Variants in ZBTB20 observed in about 807,000 individuals in gnomAD.
ZBTB20 encodes zinc finger and BTB domain containing 20, also known as zinc finger and BTB domain-containing protein 20.
A neutral mutation model predicts 56.9 loss-of-function variants in ZBTB20; 9 were observed. That is an observed-to-expected ratio of 0.16 (90% CI 0.10 to 0.28). The LOEUF is 0.28. Among genes scored for constraint, ZBTB20 ranks in the 10% least tolerant of loss-of-function variants. The pLI is 1.00. For synonymous variants in ZBTB20, 417 were observed against 420.7 expected, an observed-to-expected ratio of 0.99 and a Z score of 0.11; for missense variants, 655 against 1,003.0, an observed-to-expected ratio of 0.65 and a Z score of 4.69.
chr3:114,525,833 T>C (rs576270084), intron 6 of ZBTB20, among the ~76,000 whole-genome samples: 1 of 152,310 alleles, frequency 6.6e-6, no homozygotes, highest in East Asian at 1.9e-4. Flanking sequence ...ACCCTGCTGT[T>C]AGCTAAATCT....
At chr3:114,996,223 T>C (rs1434558418) in intron 2 of ZBTB20, among the ~76,000 whole-genome samples, 1 of 151,884 alleles carries the variant, frequency 6.6e-6, no homozygotes, top group Non-Finnish European at 1.5e-5. Flanking sequence ...TTTTTATTAT[T>C]ATGCTTTAAG....
chr3:115,000,306 T>A (rs1411033945), intron 2 of ZBTB20, among the ~76,000 whole-genome samples: 2 of 151,708 alleles, frequency 1.3e-5, no homozygotes, highest in African/African-American at 2.4e-5. Context: ...TATTGACTAA[T>A]TCATTTTTAA....
intron 6 of ZBTB20, among the ~76,000 whole-genome samples, chr3:114,674,003 T>C (rs1348331654): frequency 3.3e-5 from 5 of 152,114 alleles, no homozygotes; most frequent in East Asian, 1.9e-4. Context: ...GAAACCAAAA[T>C]ATATAGAAGA....
intron 4 of ZBTB20, among the ~76,000 whole-genome samples, chr3:114,856,985 T>C (rs2075283058): frequency 6.6e-6 from 1 of 152,176 alleles, no homozygotes; most frequent in African/African-American, 2.4e-5. Context: ...TTCTTACATA[T>C]TAAAAAAAAG....
intron 2 of ZBTB20, among the ~76,000 whole-genome samples, chr3:114,993,462 T>C (rs937763900): frequency 3.3e-5 from 5 of 151,978 alleles, no homozygotes; most frequent in African/African-American, 1.2e-4. Context: ...TTTTGAAAAT[T>C]GCACATTCTT....
chr3:115,050,998 AG>A (rs2081526856), intron 2 of ZBTB20, among the ~76,000 whole-genome samples: 1 of 152,124 alleles, frequency 6.6e-6, no homozygotes, highest in African/African-American at 2.4e-5. Context: ...TTCAGGTATA[AG>A]CTTCAATTCC....
At position 114,474,868 on chromosome 3, in the gene ZBTB20, T is replaced by C. The variant is rs116808845; in HGVS notation, c.-255+25484A>G. Among the ~76,000 whole-genome samples, 740 of 152,304 alleles carry C rather than the reference T, an allele frequency of 4.9e-3. 9 individuals carry two copies. Among genetic ancestry groups the C allele is most frequent in the African/African-American group, 0.017 (702 of 41,558 alleles). The stretch of plus-strand genomic sequence containing the variant: ...CCTTCATTGCCTTTCACCTGGACTA[T>C]TGTAATAGTCTCCTGCCTGATCTTG... On this transcript the variant is annotated intron_variant, in intron 7 of 11. Transcript: ENST00000675478.
Position 114,840,252 on chromosome 3 carries a change from CAATT to C in ZBTB20, c.-416-39082_-416-39079del, listed in dbSNP as rs999911589. Among the ~76,000 whole-genome samples, 7 of 152,322 alleles carry C rather than the reference CAATT, an allele frequency of 4.6e-5. No individual in the cohort carries two copies. The South Asian group carries it at 8.3e-4, about 18-fold the overall frequency. On this transcript the variant is annotated intron_variant, in intron 4 of 11. Transcript: ENST00000675478. The stretch of plus-strand genomic sequence containing the variant: ...TGTTATTTCTGCTCAATTCAGTACT[CAATT>C]AACCTGTTAATGATAAATTCACGCA...
chr3:114,422,931 G>T (rs2089318915), intron 7 of ZBTB20, among the ~76,000 whole-genome samples: 1 of 152,116 alleles, frequency 6.6e-6, no homozygotes, highest in Admixed American at 6.5e-5. Context: ...TGGCAAAGTA[G>T]TCAAAGTCTA....
At chr3:114,847,031 A>G (rs1490090749) in intron 4 of ZBTB20, among the ~76,000 whole-genome samples, 16 of 152,216 alleles carry the variant, frequency 1.1e-4, no homozygotes, top group Admixed American at 1.0e-3. Flanking sequence ...TGATTACTCC[A>G]CAGTTAAAGT....
rs1276342258 is a variant in ZBTB20 at position 114,328,723 on chromosome 3, T to G, written c.*10282A>C. ...TATGAACTCACTCACTTTAGTGTTCTTTCATTAAATAAAACTTAAAGAAGG... is the reference window on the plus strand; with the variant it reads ...TATGAACTCACTCACTTTAGTGTTCGTTCATTAAATAAAACTTAAAGAAGG... On this transcript the variant is annotated 3_prime_UTR_variant, in exon 12 of 12. Coordinates refer to ENST00000675478, the MANE Select transcript of ZBTB20 (RefSeq NM_001348800.3). 6.6e-6 allele frequency: 1 copy of G among 152,190 alleles called. No homozygotes were observed. Among genetic ancestry groups the G allele is most frequent in the Non-Finnish European group, 1.5e-5 (1 of 68,024 alleles). 9.4% of individuals were successfully genotyped at this position (152,190 alleles called of 1,614,324 possible). A position where few individuals can be genotyped will look rare whatever the true frequency, so the allele number is the denominator to read the frequency against.
At chr3:114,378,594 A>G (rs2683792) in intron 10 of ZBTB20, among the ~76,000 whole-genome samples, 62,696 of 152,146 alleles carry the variant, frequency 0.41, 13,049 homozygotes, top group Non-Finnish European at 0.43. Flanking sequence ...TTTTTGCTGT[A>G]ACAGAAGATT....
rs1285461359 is a variant in ZBTB20 at position 115,128,657 on chromosome 3, C to T, written c.-703+18562G>A. Among the ~76,000 whole-genome samples the T allele has an allele frequency of 2.1e-5, 3 of 144,456 alleles. No homozygotes were observed. In the Admixed American group the frequency reaches 2.1e-4, roughly 10 times the overall value. 94.8% of individuals were successfully genotyped at this position (144,456 alleles called of 152,430 possible). On this transcript the variant is annotated intron_variant, in intron 1 of 11. Transcript: ENST00000675478. ...CCATCCTGGGCAACAGTGCAAGATT[C>T]TGACTCAAAAAAAAAAGAAAAGAAA...
intron 6 of ZBTB20, among the ~76,000 whole-genome samples, chr3:114,633,483 T>C (rs1293518883): frequency 6.6e-6 from 1 of 152,140 alleles, no homozygotes; most frequent in Non-Finnish European, 1.5e-5. Flanking sequence ...TAAGAAAGAA[T>C]TTGGTTTGAA....
chr3:114,854,757 T>C (rs1044307455), intron 4 of ZBTB20, among the ~76,000 whole-genome samples: 2 of 152,218 alleles, frequency 1.3e-5, no homozygotes, highest in Non-Finnish European at 1.5e-5. Flanking sequence ...CTTAAAAGTA[T>C]ATTTTGCTTA....
At chr3:114,622,548 A>G (rs979458283) in intron 6 of ZBTB20, among the ~76,000 whole-genome samples, 7 of 152,206 alleles carry the variant, frequency 4.6e-5, no homozygotes, top group African/African-American at 1.7e-4. Context: ...TCTGTCCTAG[A>G]GGCCACTGAC....
chr3:114,816,434 A>G (rs548164644), intron 4 of ZBTB20, among the ~76,000 whole-genome samples: 7 of 152,322 alleles, frequency 4.6e-5, no homozygotes, highest in African/African-American at 1.7e-4. Context: ...TTACTTTTGA[A>G]TTAAGATAGA....
At chr3:115,125,354 A>AC (rs1273087969) in intron 1 of ZBTB20, among the ~76,000 whole-genome samples, 2 of 152,088 alleles carry the variant, frequency 1.3e-5, no homozygotes, top group African/African-American at 4.8e-5. Flanking sequence ...AATAAAAAAA[A>AC]AAAAAAGAAA....
At chr3:114,986,403 C>T (rs1212796414) in intron 2 of ZBTB20, among the ~76,000 whole-genome samples, 3 of 152,130 alleles carry the variant, frequency 2.0e-5, no homozygotes, top group Non-Finnish European at 4.4e-5. Flanking sequence ...TCCCCTTAAC[C>T]ATGCTAATTC....
Sources: gnomAD v4.1 joint callset for allele counts (sites outside exome capture counted in the v4.1 genomes callset) on GRCh38, gnomAD v4.1.1 for gene constraint, MANE v1.5 for transcripts, NCBI Gene and HGNC (gene_info 2026-07-23, HGNC 2026-07-21) for gene names.